GNAT3: variants seen among roughly 807,000 people sequenced by gnomAD.
The protein encoded by GNAT3 is G protein subunit alpha transducin 3, also known as guanine nucleotide-binding protein G(t) subunit alpha-3.
A neutral mutation model predicts 37.7 loss-of-function variants in GNAT3; 31 were observed. The ratio of observed to expected loss-of-function variants is 0.82; its 90% CI spans 0.62 to 1.11. The LOEUF (loss-of-function observed/expected upper bound fraction) is 1.11, where lower values mean the gene tolerates loss of function less well. Ranked by LOEUF, GNAT3 falls within the 50% of genes most tolerant of loss-of-function variation. The pLI is 0.00. For synonymous variants in GNAT3, 138 were observed against 139.8 expected (o/e 0.99, Z 0.09); for missense variants, 437 against 412.5 (o/e 1.06, Z -0.51).
intron 5 of GNAT3, among the ~76,000 whole-genome samples, chr7:80,466,138 A>G (rs1446199321): frequency 6.6e-6 from 1 of 152,118 alleles, no homozygotes; most frequent in African/African-American, 2.4e-5. Context: ...CAAACCAGTC[A>G]TGGAGCCAAG....
intron 3 of GNAT3, among the ~76,000 whole-genome samples, 169 bp from the exon 4 acceptor site, chr7:80,479,167 G>T (rs757654754): frequency 1.3e-5 from 2 of 151,950 alleles, no homozygotes; most frequent in Non-Finnish European, 2.9e-5. Context: ...GTTTTTCATG[G>T]CTGGATGATG....
At chr7:80,493,930 T>C (rs1235675600) in intron 2 of GNAT3, among the ~76,000 whole-genome samples, 1 of 151,410 alleles carries the variant, frequency 6.6e-6, no homozygotes, top group African/African-American at 2.4e-5. Flanking sequence ...TCCTCCTCCT[T>C]CTCTTCCTGC....
chr7:80,471,150 C>G (rs573739969), intron 5 of GNAT3, among the ~76,000 whole-genome samples: 1 of 147,294 alleles, frequency 6.8e-6, no homozygotes, highest in South Asian at 2.2e-4. Context: ...GGAACTGAGG[C>G]GGAAGAAAGA....
At chr7:80,494,337 C>T (rs2116207094) in intron 2 of GNAT3, among the ~76,000 whole-genome samples, 1 of 152,166 alleles carries the variant, frequency 6.6e-6, no homozygotes, top group South Asian at 2.1e-4. Flanking sequence ...TCCTTGATAT[C>T]CCCAGATTAA....
In GNAT3 at chr7:80,505,511, C is replaced by T. The variant is rs149917584; in HGVS notation, c.118+6298G>A. Among the ~76,000 whole-genome samples the T allele has an allele frequency of 4.9e-3, 740 of 152,176 alleles. 4 individuals carry two copies. The highest frequency in any genetic ancestry group is 0.017 in the African/African-American group (692 of 41,520). On this transcript the variant is annotated intron_variant, in intron 1 of 7. Transcript: ENST00000398291. ...CCTCCCGAGTAGCTGGGACTACAGGCGCCCGCCAACACGCCCGGCTAACTT... is the reference window on the plus strand; with the variant it reads ...CCTCCCGAGTAGCTGGGACTACAGGTGCCCGCCAACACGCCCGGCTAACTT...
At position 80,497,614 on chromosome 7, in the gene GNAT3, A is replaced by ACATATATGTATATG. The variant is rs1562732915; in HGVS notation, c.119-2968_119-2967insCATATACATATATG. 2.7e-3 allele frequency among the ~76,000 whole-genome samples: 266 copies of ACATATATGTATATG among 97,766 alleles called. 14 individuals are homozygous for ACATATATGTATATG. Among genetic ancestry groups the ACATATATGTATATG allele is most frequent in the Non-Finnish European group, 4.2e-3 (201 of 47,684 alleles). 64.1% of individuals were successfully genotyped at this position (97,766 alleles called of 152,430 possible). ...TATACGTATATACATATACGTATAT[A>ACATATATGTATATG]CATATACGTATATACATATACGTAT... On this transcript the variant is annotated intron_variant, in intron 1 of 7. Transcript: ENST00000398291.
intron 7 of GNAT3, among the ~76,000 whole-genome samples, chr7:80,461,447 G>T (rs1790048673): frequency 6.6e-6 from 1 of 152,072 alleles, no homozygotes; most frequent in South Asian, 2.1e-4. Flanking sequence ...CACTCGGGAG[G>T]CTGAAGCAGG....
intron 1 of GNAT3, among the ~76,000 whole-genome samples, chr7:80,499,296 G>A (rs1790791311): frequency 6.6e-6 from 1 of 152,114 alleles, no homozygotes; most frequent in South Asian, 2.1e-4. Context: ...TCTTTTTTAA[G>A]TAGGCACTGA....
At chr7:80,480,606 C>T (rs945935636) in intron 3 of GNAT3, among the ~76,000 whole-genome samples, 1 of 152,072 alleles carries the variant, frequency 6.6e-6, no homozygotes, top group African/African-American at 2.4e-5. Flanking sequence ...GCTGGTTGTT[C>T]ATTTTTGTGG....
At chr7:80,504,036 C>T (rs1256656107) in intron 1 of GNAT3, among the ~76,000 whole-genome samples, 2 of 152,166 alleles carry the variant, frequency 1.3e-5, no homozygotes, top group Non-Finnish European at 2.9e-5. Flanking sequence ...AAAGTTATCG[C>T]TCAGGGTGGA....
At chr7:80,490,664 G>C (rs1037423549) in intron 2 of GNAT3, among the ~76,000 whole-genome samples, 3 of 152,118 alleles carry the variant, frequency 2.0e-5, no homozygotes, top group Admixed American at 2.0e-4. Flanking sequence ...AAGCACTATT[G>C]TAAGCACTTC....
At chr7:80,463,434 A>G (rs1283876860) in intron 5 of GNAT3, among the ~76,000 whole-genome samples, 1 of 152,102 alleles carries the variant, frequency 6.6e-6, no homozygotes, top group Non-Finnish European at 1.5e-5. Context: ...GGGCTTTCAC[A>G]CACAGTCTCT....
intron 3 of GNAT3, among the ~76,000 whole-genome samples, chr7:80,485,476 T>TA (rs1185856959): frequency 6.6e-6 from 1 of 152,136 alleles, no homozygotes; most frequent in Non-Finnish European, 1.5e-5. Context: ...TTCTTAGTAA[T>TA]TCCTTCTTTA....
chr7:80,506,440 GC>G (rs1173899237), intron 1 of GNAT3, among the ~76,000 whole-genome samples: 1 of 152,144 alleles, frequency 6.6e-6, no homozygotes, highest in Non-Finnish European at 1.5e-5. Context: ...TTGTCTATGT[GC>G]TTTTGCTTGT....
intron 3 of GNAT3, among the ~76,000 whole-genome samples, chr7:80,481,750 C>T (rs1790395188): frequency 2.0e-5 from 3 of 152,102 alleles, no homozygotes; most frequent in Admixed American, 2.0e-4. Context: ...TCTATTGCCT[C>T]TAAGGGTGCC....
At chr7:80,486,626 C>G (rs374877990) in intron 3 of GNAT3, 2 of 119,760 alleles carry the variant, frequency 1.7e-5, no homozygotes, top group African/African-American at 3.2e-5. Context: ...TTTTCTTTTT[C>G]TTTTCCTTTT....
At chr7:80,508,185 T>C (rs1401177548) in intron 1 of GNAT3, among the ~76,000 whole-genome samples, 1 of 151,976 alleles carries the variant, frequency 6.6e-6, no homozygotes, top group East Asian at 1.9e-4. Context: ...AGAGGGTGTT[T>C]TGAATATGAA....
chr7:80,486,829 A>G (rs1314869804), intron 3 of GNAT3, among the ~76,000 whole-genome samples: 2 of 152,010 alleles, frequency 1.3e-5, no homozygotes, highest in Non-Finnish European at 1.5e-5. Flanking sequence ...TCTGGGTTCT[A>G]TGAAAGACAC....
intron 1 of GNAT3, among the ~76,000 whole-genome samples, 153 bp downstream of exon 1, chr7:80,511,656 G>C (rs1331945351): frequency 1.3e-5 from 2 of 151,928 alleles, no homozygotes; most frequent in Admixed American, 6.6e-5. Context: ...AATATTGATA[G>C]AGTACAAATA....
Sources: gnomAD v4.1 joint callset for allele counts (sites outside exome capture counted in the v4.1 genomes callset) on GRCh38, gnomAD v4.1.1 for gene constraint, MANE v1.5 for transcripts, NCBI Gene and HGNC (gene_info 2026-07-23, HGNC 2026-07-21) for gene names.